Variants in EAF2 observed in about 807,000 individuals in gnomAD.
The protein encoded by EAF2 is ELL-associated factor 2.
Under a neutral mutation model 29.4 loss-of-function variants are expected in EAF2, and 29 were observed. That is an observed-to-expected ratio of 0.99 (90% CI 0.73 to 1.35). The LOEUF (loss-of-function observed/expected upper bound fraction) is 1.35, where lower values mean the gene tolerates loss of function less well. EAF2 is among the 40% of genes most tolerant of loss of function. The pLI, the probability that EAF2 is intolerant of heterozygous loss-of-function variation, is 0.00. For synonymous variants in EAF2, 103 were observed against 102.5 expected, an observed-to-expected ratio of 1.00 and a Z score of -0.03; for missense variants, 292 against 312.0, an observed-to-expected ratio of 0.94 and a Z score of 0.48.
At chr3:121,884,844 A>G (rs1709257040) in intron 5 of EAF2, among the ~76,000 whole-genome samples, 1 of 152,248 alleles carries the variant, frequency 6.6e-6, no homozygotes, top group Non-Finnish European at 1.5e-5. Context: ...TATTGATTTC[A>G]AAACATGCCA....
At chr3:121,860,189 T>C (rs1708800944) in intron 4 of EAF2, among the ~76,000 whole-genome samples, 1 of 152,210 alleles carries the variant, frequency 6.6e-6, no homozygotes, top group African/African-American at 2.4e-5. Context: ...CCTCATCAAA[T>C]GAGTTAGGCA....
chr3:121,872,719 A>T lies in EAF2; in HGVS notation c.667A>T (p.Arg223Trp). 6.2e-7 allele frequency: 1 copy of T among 1,612,788 alleles called. No individual in the cohort carries two copies. The highest frequency in any genetic ancestry group is 8.5e-7 in the Non-Finnish European group (1 of 1,179,122). ...AGGACATCCTACCATGACACAGTAC[A>T]GGATTCCTGATATAGATGCCAGTCA... The part of the protein sequence containing the change: ...VSGHPTMTQY[R>W]IPDIDASHNR... The change falls in exon 5 of 6, where the codon AGG (arginine) becomes TGG (tryptophan). Residue 223 changes from arginine (R) to tryptophan (W), a missense_variant. Physicochemically the swap from Arg to Trp is moderately radical, Grantham distance 101. Transcript: ENST00000273668.
At chr3:121,879,833 A>G (rs1055782743) in intron 5 of EAF2, among the ~76,000 whole-genome samples, 3 of 151,262 alleles carry the variant, frequency 2.0e-5, no homozygotes, top group African/African-American at 7.3e-5. Context: ...GCCTCCAGCT[A>G]TGTTCTTTTT....
At chr3:121,836,706 T>A in intron 1 of EAF2, 1 of 987,804 alleles carries the variant, frequency 1.0e-6, no homozygotes, top group Non-Finnish European at 1.2e-6. Flanking sequence ...CAGTCCCATT[T>A]TCCGGAAGTG....
chr3:121,845,374 G>T (rs1318801137), intron 2 of EAF2, among the ~76,000 whole-genome samples: 1 of 133,352 alleles, frequency 7.5e-6, no homozygotes, highest in Non-Finnish European at 1.5e-5. Context: ...AGAGGCAGAG[G>T]TTGCAGTGAG....
rs535424869 is a variant in EAF2, at chr3:121,835,453, A to G, written c.106+62A>G. 4.4e-5 allele frequency: 65 copies of G among 1,466,478 alleles called. 1 individual carries two copies. Among genetic ancestry groups the G allele is most frequent in the South Asian group, 3.6e-4 (31 of 86,650 alleles). The allele number at this position is 1,466,478 out of a possible 1,614,324, so 90.8% of individuals were successfully genotyped here. A position where few individuals can be genotyped will look rare whatever the true frequency, so the allele number is the denominator to read the frequency against. On this transcript the variant is annotated intron_variant, in intron 1 of 5. Transcript: ENST00000273668. ...CCCGGGATGGGGGTGAAGAGGCACA[A>G]ACCCCTCTGGGTTTTGTTCCCACAG... is the stretch of plus-strand genomic sequence containing the variant.
intron 1 of EAF2, among the ~76,000 whole-genome samples, chr3:121,843,324 T>C (rs1224088894): frequency 6.6e-6 from 1 of 152,166 alleles, no homozygotes; most frequent in African/African-American, 2.4e-5. Flanking sequence ...TCCCAAGGTT[T>C]TCTAATTATA....
chr3:121,878,126 A>C (rs1225477816), intron 5 of EAF2, among the ~76,000 whole-genome samples: 1 of 152,162 alleles, frequency 6.6e-6, no homozygotes, highest in Non-Finnish European at 1.5e-5. Flanking sequence ...AATCAACAAA[A>C]CTAAAAATTT....
intron 2 of EAF2, among the ~76,000 whole-genome samples, chr3:121,847,802 T>C (rs952111429): frequency 3.9e-5 from 6 of 152,150 alleles, no homozygotes; most frequent in African/African-American, 1.4e-4. Flanking sequence ...AGTAAATCAG[T>C]CCCTTTATGA....
At chr3:121,867,668 G>A (rs565415508) in intron 4 of EAF2, among the ~76,000 whole-genome samples, 9 of 152,278 alleles carry the variant, frequency 5.9e-5, no homozygotes, top group East Asian at 1.9e-4. Context: ...GAAGAGAAAC[G>A]TTAAATGAAG....
chr3:121,846,347 GA>G (rs1708528972), intron 2 of EAF2, among the ~76,000 whole-genome samples: 1 of 152,184 alleles, frequency 6.6e-6, no homozygotes, highest in Non-Finnish European at 1.5e-5. Context: ...TGAAGGAAAT[GA>G]AAAATCTATT....
chr3:121,877,813 C>T (rs890172505), intron 5 of EAF2, among the ~76,000 whole-genome samples: 25 of 152,046 alleles, frequency 1.6e-4, no homozygotes, highest in Non-Finnish European at 3.1e-4. Context: ...CTTTGTTTCT[C>T]AGGCTGGAGT....
chr3:121,835,300 G>A lies in EAF2; in HGVS notation c.15G>A (p.Ala5=), dbSNP rs113829843. Residue 5 remains alanine (A), a synonymous_variant, in exon 1 of 6, where the codon GCG becomes GCA. Coordinates refer to ENST00000273668, the MANE Select transcript of EAF2 (RefSeq NM_018456.6). ...GGAGAGTAATTATGAATAGCGCAGC[G>A]GGATTCTCACACCTAGACCGTCGCG... MNSA[A]GFSHLDRRER... 15,699 of 1,614,162 alleles carry A rather than the reference G, an allele frequency of 9.7e-3. 140 individuals carry two copies. The highest frequency in any genetic ancestry group is 0.024 in the South Asian group (2,217 of 91,086).
At chr3:121,859,732 G>T (rs188154001) in intron 4 of EAF2, among the ~76,000 whole-genome samples, 4 of 152,144 alleles carry the variant, frequency 2.6e-5, no homozygotes, top group Admixed American at 2.6e-4. Flanking sequence ...GTGAAAGAGG[G>T]CATCCCTGTC....
chr3:121,851,171 A>G (rs182771343), intron 2 of EAF2, among the ~76,000 whole-genome samples: 123 of 151,614 alleles, frequency 8.1e-4, no homozygotes, highest in Non-Finnish European at 1.3e-3. Context: ...TAACATATGC[A>G]CGCACTTATT....
chr3:121,882,543 C>G (rs1218159637), intron 5 of EAF2, among the ~76,000 whole-genome samples: 2 of 151,764 alleles, frequency 1.3e-5, no homozygotes, highest in African/African-American at 4.8e-5. Context: ...GTTGAGCACT[C>G]TATTGAATTT....
rs1576630955 is a variant in EAF2, at chr3:121,835,214, C to T, written c.-72C>T. The T allele has an allele frequency of 2.1e-6, 3 of 1,441,598 alleles. No homozygotes were observed. In the Admixed American group the frequency reaches 5.1e-5, roughly 24 times the overall value. 89.3% of individuals were successfully genotyped at this position (1,441,598 alleles called of 1,614,324 possible). A position where few individuals can be genotyped will look rare whatever the true frequency, so the allele number is the denominator to read the frequency against. On this transcript the variant is annotated 5_prime_UTR_variant, in exon 1 of 6. Transcript: ENST00000273668. ...GTGACTTGGCTGGCGGGATCAAGTG[C>T]AGCTGCTTCAGGCTGAGGTGGCAGA...
intron 1 of EAF2, among the ~76,000 whole-genome samples, chr3:121,837,083 TAATA>T (rs1301214219): frequency 6.6e-6 from 1 of 152,054 alleles, no homozygotes. Context: ...ATAATGACAA[TAATA>T]AATAAACAAA....
At chr3:121,860,067 A>T (rs548667430) in intron 4 of EAF2, among the ~76,000 whole-genome samples, 2 of 152,146 alleles carry the variant, frequency 1.3e-5, no homozygotes, top group East Asian at 1.9e-4. Context: ...TGCTGGATTC[A>T]ATTTGCCAGT....
Sources: gnomAD v4.1 joint callset for allele counts (sites outside exome capture counted in the v4.1 genomes callset) on GRCh38, gnomAD v4.1.1 for gene constraint, MANE v1.5 for transcripts, NCBI Gene and HGNC (gene_info 2026-07-23, HGNC 2026-07-21) for gene names.